Variants in CACNA1C observed in about 807,000 individuals in gnomAD.
The protein encoded by CACNA1C is calcium voltage-gated channel subunit alpha1 C, also known as voltage-dependent L-type calcium channel subunit alpha-1C.
CACNA1C carries 30 observed loss-of-function variants against 229.0 expected under a neutral mutation model. That is an observed-to-expected ratio of 0.13 (90% CI 0.10 to 0.18). The LOEUF (loss-of-function observed/expected upper bound fraction) is 0.18, where lower values mean the gene tolerates loss of function less well. CACNA1C is among the 10% of genes least tolerant of loss of function. CACNA1C has a pLI of 1.00. For missense variants in CACNA1C, 1,658 were observed against 2,845.0 expected, an observed-to-expected ratio of 0.58 and a Z score of 9.49; for synonymous variants, 1,114 against 1,132.5, an observed-to-expected ratio of 0.98 and a Z score of 0.33.
intron 3 of CACNA1C, among the ~76,000 whole-genome samples, chr12:2,270,677 G>A (rs1020581358): frequency 3.3e-5 from 5 of 152,196 alleles, no homozygotes; most frequent in African/African-American, 2.4e-5. Context: ...GAAGGTCATT[G>A]GACTCCCTTT....
intron 4 of CACNA1C, among the ~76,000 whole-genome samples, chr12:2,454,972 C>T (rs909178128): frequency 2.6e-5 from 4 of 152,204 alleles, no homozygotes; most frequent in Admixed American, 6.5e-5. Context: ...GGACGCCCTT[C>T]GCATGCACCC....
chr12:2,444,793 A>G (rs2099262209), intron 3 of CACNA1C, among the ~76,000 whole-genome samples: 1 of 152,056 alleles, frequency 6.6e-6, no homozygotes, highest in Non-Finnish European at 1.5e-5. Context: ...AAAACAAAGC[A>G]CATGCTTTCT....
At chr12:2,536,303 A>G (rs923522187) in intron 9 of CACNA1C, among the ~76,000 whole-genome samples, 4 of 152,226 alleles carry the variant, frequency 2.6e-5, no homozygotes, top group Admixed American at 2.0e-4. Context: ...AAACTCATCC[A>G]TAGTAAAACT....
chr12:2,516,461 C>T (rs1568166811), intron 9 of CACNA1C, among the ~76,000 whole-genome samples: 1 of 152,170 alleles, frequency 6.6e-6, no homozygotes, highest in Non-Finnish European at 1.5e-5. Flanking sequence ...GTCTGCCTGC[C>T]ATGTGCAGAA....
intron 3 of CACNA1C, among the ~76,000 whole-genome samples, chr12:2,232,246 T>TG (rs1164370872): frequency 1.5e-4 from 22 of 143,646 alleles, no homozygotes; most frequent in African/African-American, 5.4e-4. Context: ...TTTTTTTTTT[T>TG]TTTTTTGTTT....
intron 38 of CACNA1C, among the ~76,000 whole-genome samples, chr12:2,669,721 C>A (rs778183386): frequency 7.2e-5 from 11 of 152,236 alleles, no homozygotes; most frequent in Non-Finnish European, 1.5e-4. Flanking sequence ...GAGGTCATCG[C>A]ACACATTGTG....
chr12:2,116,544 T>G (rs779093450), intron 2 of CACNA1C, among the ~76,000 whole-genome samples: 3 of 152,158 alleles, frequency 2.0e-5, no homozygotes, highest in Non-Finnish European at 4.4e-5. Flanking sequence ...CTTTTTTGTA[T>G]TTTTAGTAGA....
Position 2,690,931 on chromosome 12 carries a change from C to G in CACNA1C, c.6149C>G (p.Ala2050Gly). The G allele has an allele frequency of 6.3e-7, 1 of 1,590,964 alleles. No homozygotes were observed. The highest frequency in any genetic ancestry group is 8.6e-7 in the Non-Finnish European group (1 of 1,167,272). Residue 2050 changes from alanine (A) to glycine (G), a missense_variant, in exon 47 of 47, where the codon GCT (alanine) becomes GGT (glycine). By Grantham distance (60) the Ala-to-Gly change is moderately conservative. This residue lies in a region of CACNA1C where 590 missense variants were observed against 700.8 expected (regional missense o/e 0.84). Coordinates refer to ENST00000399655, the MANE Select transcript of CACNA1C (RefSeq NM_000719.7). ...VLISEGLGQF[A>G]QDPKFIEVTT... Reference sequence around the variant, plus strand: ...ATTTCAGAAGGACTGGGGCAGTTTGCTCAAGATCCCAAGTTCATCGAGGTC... The same window carrying G: ...ATTTCAGAAGGACTGGGGCAGTTTGGTCAAGATCCCAAGTTCATCGAGGTC...
Position 2,009,481 on chromosome 12 carries a change from C to G in CACNA1C, c.139+38280C>G, listed in dbSNP as rs74059701. Among the ~76,000 whole-genome samples the G allele has an allele frequency of 1.6e-3, 241 of 152,278 alleles. 1 individual carries two copies. Among genetic ancestry groups the G allele is most frequent in the African/African-American group, 5.7e-3 (235 of 41,560 alleles). On this transcript the variant is annotated intron_variant, in intron 1 of 46. Transcript: ENST00000682462. ...ATACACAGTCTGCTTTATTAGTACTCTTTTCTTTGTTGTGTAAATACCCTC... is the reference window on the plus strand; with the variant it reads ...ATACACAGTCTGCTTTATTAGTACTGTTTTCTTTGTTGTGTAAATACCCTC...
chr12:2,361,057 G>A (rs558387345), intron 3 of CACNA1C, among the ~76,000 whole-genome samples: 20 of 151,810 alleles, frequency 1.3e-4, no homozygotes, highest in Non-Finnish European at 2.2e-4. Context: ...TGTGTAGCTT[G>A]GAATCAACGA....
At chr12:2,081,324 ACT>A (rs753783873) in intron 1 of CACNA1C, among the ~76,000 whole-genome samples, 1 of 150,388 alleles carries the variant, frequency 6.6e-6, no homozygotes, top group South Asian at 2.1e-4. Flanking sequence ...TAATCCCAAC[ACT>A]CTGGGAGGCT....
At chr12:2,535,307 T>C (rs541146192) in intron 9 of CACNA1C, among the ~76,000 whole-genome samples, 118 of 152,014 alleles carry the variant, frequency 7.8e-4, no homozygotes, top group African/African-American at 2.7e-3. Flanking sequence ...GAGAATGACA[T>C]GAACCTGGGG....
chr12:2,084,597 T>C (rs2066876559), intron 1 of CACNA1C, among the ~76,000 whole-genome samples: 1 of 152,178 alleles, frequency 6.6e-6, no homozygotes. Context: ...GTGTTCCTCT[T>C]GCAGTCTGTT....
intron 3 of CACNA1C, among the ~76,000 whole-genome samples, chr12:2,378,209 T>A (rs1396194905): frequency 6.6e-6 from 1 of 152,128 alleles, no homozygotes; most frequent in Non-Finnish European, 1.5e-5. Context: ...AAGTGCTAGG[T>A]CTTGTGAGCA....
chr12:2,662,276 A>G (rs997424887), intron 34 of CACNA1C, among the ~76,000 whole-genome samples: 1 of 152,040 alleles, frequency 6.6e-6, no homozygotes. Flanking sequence ...AATAAATCAA[A>G]GGATAAGAAT....
chr12:2,344,968 C>T (rs951738141), intron 3 of CACNA1C, among the ~76,000 whole-genome samples: 16 of 150,776 alleles, frequency 1.1e-4, no homozygotes, highest in African/African-American at 3.2e-4. Flanking sequence ...TTCCTAGCTT[C>T]GCAGAAGTGT....
chr12:1,999,795 G>T (rs1423336225), intron 1 of CACNA1C, among the ~76,000 whole-genome samples: 1 of 152,086 alleles, frequency 6.6e-6, no homozygotes, highest in African/African-American at 2.4e-5. Context: ...AAAAGCATAG[G>T]TAAGTCAGGG....
chr12:2,466,487 A>G (rs58829637), intron 5 of CACNA1C, among the ~76,000 whole-genome samples: 2,338 of 152,324 alleles, frequency 0.015, 62 homozygotes, highest in African/African-American at 0.054. Flanking sequence ...TGAAACTGAC[A>G]TATCTTGGAG....
intron 3 of CACNA1C, among the ~76,000 whole-genome samples, chr12:2,422,337 C>A (rs917814202): frequency 6.6e-6 from 1 of 152,186 alleles, no homozygotes; most frequent in African/African-American, 2.4e-5. Context: ...CCACGGAGGG[C>A]AGAATCATTT....
Sources: gnomAD v4.1 joint callset for allele counts (sites outside exome capture counted in the v4.1 genomes callset) on GRCh38, gnomAD v4.1.1 for gene constraint, gnomAD v4.1.1 regional missense constraint, MANE v1.5 for transcripts, NCBI Gene and HGNC (gene_info 2026-07-23, HGNC 2026-07-21) for gene names.